OSBPL8: variants seen among roughly 807,000 people sequenced by gnomAD.
The protein encoded by OSBPL8 is oxysterol-binding protein-related protein 8.
A neutral mutation model predicts 125.5 loss-of-function variants in OSBPL8; 59 were observed. The observed-to-expected ratio is 0.47, with a 90% CI of 0.38 to 0.58. The LOEUF (loss-of-function observed/expected upper bound fraction) is 0.58, where lower values mean the gene tolerates loss of function less well. Among genes scored for constraint, OSBPL8 ranks in the 20% least tolerant of loss-of-function variants. The pLI, the probability that OSBPL8 is intolerant of heterozygous loss-of-function variation, is 0.00. For missense variants in OSBPL8, 758 were observed against 1,047.8 expected, an observed-to-expected ratio of 0.72 and a Z score of 3.82; for synonymous variants, 330 against 338.9, an observed-to-expected ratio of 0.97 and a Z score of 0.29.
In OSBPL8 at chr12:76,438,676, T is replaced by A. The variant is rs555617823; in HGVS notation, c.217+12175A>T. ...AGTCTATTCCTAGTTTGCTAAGAGT[T>A]TTTATCGTGAGTAGATGTTAAAATT... On this transcript the variant is annotated intron_variant, in intron 4 of 23. Transcript: ENST00000261183. 7.2e-5 allele frequency among the ~76,000 whole-genome samples: 11 copies of A among 152,338 alleles called. No individual in the cohort carries two copies. In the South Asian group the frequency reaches 2.3e-3, roughly 32 times the overall value.
intron 2 of OSBPL8, among the ~76,000 whole-genome samples, chr12:76,473,764 C>T (rs1326992101): frequency 2.0e-5 from 3 of 151,964 alleles, no homozygotes; most frequent in Non-Finnish European, 4.4e-5. Flanking sequence ...TATTCAAGGC[C>T]CTGTATGATC....
chr12:76,438,517 T>C (rs543303841), intron 4 of OSBPL8, among the ~76,000 whole-genome samples: 1 of 152,294 alleles, frequency 6.6e-6, no homozygotes, highest in South Asian at 2.1e-4. Flanking sequence ...GGGGTCTGTA[T>C]AGAACAGTTA....
Position 76,369,718 on chromosome 12 carries a change from C to A in OSBPL8, c.2159G>T (p.Arg720Leu). The A allele has an allele frequency of 1.2e-6, 2 of 1,613,398 alleles. No individual in the cohort carries two copies. The highest frequency in any genetic ancestry group is 1.7e-6 in the Non-Finnish European group (2 of 1,179,622). ...AGACCACTCTTCATTTTTTGTTTTC[C>A]GATCCCTGGCAGCTTGTCTTTGAGC... ...EEAQRQAARD[R>L]KTKNEEWSCK... The change falls in exon 20 of 24, where the codon CGG becomes CTG. Residue 720 changes from arginine (R) to leucine (L), a missense_variant. Physicochemically the swap from Arg to Leu is moderately radical, Grantham distance 102. Transcript: ENST00000261183.
intron 3 of OSBPL8, among the ~76,000 whole-genome samples, chr12:76,458,506 A>G (rs977610359): frequency 6.6e-6 from 1 of 152,106 alleles, no homozygotes; most frequent in Non-Finnish European, 1.5e-5. Context: ...CCTGGGCAAC[A>G]TAGTGAGACC....
intron 1 of OSBPL8, among the ~76,000 whole-genome samples, chr12:76,513,989 T>C (rs1007881883): frequency 1.3e-5 from 2 of 152,044 alleles, no homozygotes; most frequent in Non-Finnish European, 2.9e-5. Context: ...GTTGGCTTGT[T>C]TGTGTGGTTG....
rs540172853 is a variant in OSBPL8 at position 76,428,532 on chromosome 12, G to A, written c.218-17898C>T. On this transcript the variant is annotated intron_variant, in intron 4 of 23. Transcript: ENST00000261183. ...AACATTGAATTACATTAGGATGAAAGCACTGTAAGAGTTACACATTTTATC... is the reference window on the plus strand; with the variant it reads ...AACATTGAATTACATTAGGATGAAAACACTGTAAGAGTTACACATTTTATC... Among the ~76,000 whole-genome samples the A allele has an allele frequency of 1.1e-3, 175 of 152,186 alleles. 2 individuals are homozygous for A. Among genetic ancestry groups the A allele is most frequent in the Middle Eastern group, 6.8e-3 (2 of 294 alleles).
chr12:76,477,131 A>G (rs1876905439), intron 2 of OSBPL8, among the ~76,000 whole-genome samples: 2 of 152,086 alleles, frequency 1.3e-5, no homozygotes, highest in Non-Finnish European at 2.9e-5. Context: ...CTTTTGTCAT[A>G]TCAGGCAGCT....
intron 17 of OSBPL8, 69 bp downstream of exon 17, chr12:76,375,204 G>T: frequency 2.0e-6 from 2 of 1,005,166 alleles, no homozygotes; most frequent in Non-Finnish European, 1.5e-6. Flanking sequence ...AATACATGGT[G>T]CCCTTTATTC....
At position 76,471,042 on chromosome 12, in the gene OSBPL8, C is replaced by CA. The variant is rs551003161; in HGVS notation, c.43-11148dup. 8.5e-3 allele frequency among the ~76,000 whole-genome samples: 1,282 copies of CA among 151,178 alleles called. 10 individuals are homozygous for CA. Among genetic ancestry groups the CA allele is most frequent in the Non-Finnish European group, 0.013 (877 of 67,750 alleles). On this transcript the variant is annotated intron_variant, in intron 2 of 23. Coordinates refer to ENST00000261183, the MANE Select transcript of OSBPL8 (RefSeq NM_020841.5). ...GTGTAATATAGATGAGTTTATAACCCAAAAAAAAGCCCTCTCTTTCAATAA... is the reference window on the plus strand; with the variant it reads ...GTGTAATATAGATGAGTTTATAACCCAAAAAAAAAGCCCTCTCTTTCAATAA...
Position 76,395,805 on chromosome 12 carries a change from A to G in OSBPL8, c.673-1076T>C, listed in dbSNP as rs1370374358. Among the ~76,000 whole-genome samples, 24 of 152,220 alleles carry G rather than the reference A, an allele frequency of 1.6e-4. 1 individual carries two copies. The South Asian group carries it at 4.1e-3, about 26-fold the overall frequency. ...TCATAGCTGTTACTATTTCTTAATC[A>G]CAAACACTGGCTTCTAAAATATTTA... On this transcript the variant is annotated intron_variant, in intron 8 of 23. Transcript: ENST00000261183.
At chr12:76,539,976 T>C (rs886680312) in intron 1 of OSBPL8, among the ~76,000 whole-genome samples, 3 of 152,206 alleles carry the variant, frequency 2.0e-5, no homozygotes, top group African/African-American at 4.8e-5. Flanking sequence ...GTCATTGTTA[T>C]CTTAAAAGCA....
intron 2 of OSBPL8, among the ~76,000 whole-genome samples, chr12:76,477,601 G>A (rs71460169): frequency 1.2e-3 from 188 of 152,200 alleles, no homozygotes; most frequent in Non-Finnish European, 1.9e-3. Flanking sequence ...GAGGAAACAC[G>A]AGAACTAAAT....
At chr12:76,544,623 T>G (rs1023846136) in intron 1 of OSBPL8, among the ~76,000 whole-genome samples, 1 of 152,154 alleles carries the variant, frequency 6.6e-6, no homozygotes, top group African/African-American at 2.4e-5. Context: ...TGACGCATGC[T>G]ATAAAGCAAA....
intron 4 of OSBPL8, among the ~76,000 whole-genome samples, chr12:76,443,793 C>A (rs545696128): frequency 6.6e-6 from 1 of 152,154 alleles, no homozygotes. Context: ...AGGCATGAGA[C>A]ACTGCACCCG....
intron 2 of OSBPL8, among the ~76,000 whole-genome samples, chr12:76,484,763 T>C (rs893892872): frequency 2.0e-5 from 3 of 152,282 alleles, no homozygotes; most frequent in South Asian, 2.1e-4. Context: ...GATTATTTTA[T>C]AGTTAACTCA....
chr12:76,412,163 C>T (rs560439102), intron 4 of OSBPL8, among the ~76,000 whole-genome samples: 24 of 152,148 alleles, frequency 1.6e-4, no homozygotes, highest in African/African-American at 5.5e-4. Flanking sequence ...AGTATGGTCA[C>T]ACTGTGGAAA....
intron 4 of OSBPL8, among the ~76,000 whole-genome samples, chr12:76,414,565 C>T (rs563539508): frequency 6.7e-6 from 1 of 150,336 alleles, no homozygotes; most frequent in African/African-American, 2.4e-5. Context: ...AATCCTTCAA[C>T]CACAGCCTCC....
rs775547771 is a variant in OSBPL8, at chr12:76,355,860, T to C, written c.*29A>G. 1 of 1,607,822 alleles carries C rather than the reference T, an allele frequency of 6.2e-7. No individual in the cohort carries two copies. Among genetic ancestry groups the C allele is most frequent in the South Asian group, 1.1e-5 (1 of 90,094 alleles). The stretch of plus-strand genomic sequence containing the variant: ...GGTCCCAGGCCAAATCAGATCTTTC[T>C]AGTTCACTGATTCAATGGTAGAGAA... On this transcript the variant is annotated 3_prime_UTR_variant, in exon 24 of 24. Transcript: ENST00000261183.
chr12:76,405,810 T>C (rs1426310564), intron 5 of OSBPL8, among the ~76,000 whole-genome samples: 4 of 152,216 alleles, frequency 2.6e-5, no homozygotes, highest in African/African-American at 9.6e-5. Flanking sequence ...TATTGACCAC[T>C]CTCTTAATGA....
Sources: allele counts gnomAD v4.1 joint callset (sites outside exome capture counted in the v4.1 genomes callset), GRCh38; gene constraint gnomAD v4.1.1; transcripts MANE v1.5; gene names NCBI Gene and HGNC (gene_info 2026-07-23, HGNC 2026-07-21).